RAVER2: variants seen among roughly 807,000 people sequenced by gnomAD.
RAVER2 encodes ribonucleoprotein, PTB binding 2, also known as ribonucleoprotein PTB-binding 2.
RAVER2 carries 46 observed loss-of-function variants against 78.1 expected under a neutral mutation model. That is an observed-to-expected ratio of 0.59 (90% CI 0.46 to 0.75). The LOEUF (loss-of-function observed/expected upper bound fraction) is 0.75. RAVER2 is among the 30% of genes least tolerant of loss of function. The probability of loss-of-function intolerance (pLI) is 0.00; values close to 1 mark genes in which losing one functional copy is unlikely to be tolerated. For synonymous variants in RAVER2, 311 were observed against 313.3 expected, an observed-to-expected ratio of 0.99 and a Z score of 0.08; for missense variants, 793 against 837.5, an observed-to-expected ratio of 0.95 and a Z score of 0.66.
intron 1 of RAVER2, among the ~76,000 whole-genome samples, chr1:64,751,049 G>C (rs1008925290): frequency 1.3e-5 from 2 of 152,222 alleles, no homozygotes. Flanking sequence ...ACACATTCAA[G>C]AAGAGGAGGA....
At chr1:64,759,631 C>T (rs1035850698) in intron 1 of RAVER2, among the ~76,000 whole-genome samples, 22 of 151,872 alleles carry the variant, frequency 1.4e-4, no homozygotes, top group African/African-American at 4.8e-4. Flanking sequence ...ATCTTCCTGC[C>T]TCAGCCTCCC....
intron 4 of RAVER2, among the ~76,000 whole-genome samples, chr1:64,785,027 C>G (rs1652740230): frequency 6.6e-6 from 1 of 152,176 alleles, no homozygotes; most frequent in Non-Finnish European, 1.5e-5. Context: ...ATCCTCAAAT[C>G]AGCTTATGTC....
chr1:64,832,635 T>C (rs1287348225), exon 12 of RAVER2: 1 of 152,214 alleles, frequency 6.6e-6, no homozygotes, highest in Non-Finnish European at 1.5e-5. Context: ...ACATATGTTG[T>C]ATGCTTTGTA....
chr1:64,751,998 G>A (rs976174997), intron 1 of RAVER2, among the ~76,000 whole-genome samples: 4 of 152,086 alleles, frequency 2.6e-5, no homozygotes, highest in Non-Finnish European at 4.4e-5. Context: ...GTGAGAAGTC[G>A]GAAGATCAGA....
chr1:64,811,641 A>T (rs190284119), intron 9 of RAVER2, among the ~76,000 whole-genome samples: 16 of 152,310 alleles, frequency 1.1e-4, no homozygotes. Flanking sequence ...TGGTTTTCTT[A>T]ATATTTTCTT....
intron 1 of RAVER2, among the ~76,000 whole-genome samples, chr1:64,757,731 A>G (rs928045431): frequency 6.6e-6 from 1 of 152,204 alleles, no homozygotes; most frequent in Admixed American, 6.5e-5. Context: ...CAGTGCTCTC[A>G]GGTCCTCTTA....
intron 11 of RAVER2, among the ~76,000 whole-genome samples, chr1:64,822,584 G>A (rs1255926582): frequency 6.6e-6 from 1 of 152,150 alleles, no homozygotes; most frequent in Non-Finnish European, 1.5e-5. Flanking sequence ...CAGTGCTGGG[G>A]GTTGGTGGGA....
At chr1:64,819,085 A>G (rs1653821940) in intron 11 of RAVER2, among the ~76,000 whole-genome samples, 1 of 152,166 alleles carries the variant, frequency 6.6e-6, no homozygotes, top group Non-Finnish European at 1.5e-5. Flanking sequence ...AATATATTAT[A>G]GTAATCAATA....
chr1:64,802,948 T>TA, intron 5 of RAVER2, 28 bp from the exon 6 acceptor site: 1 of 1,505,104 alleles, frequency 6.6e-7, no homozygotes, highest in Non-Finnish European at 9.1e-7. Context: ...ATATATAAAT[T>TA]AAAGTTTTTA....
intron 5 of RAVER2, among the ~76,000 whole-genome samples, chr1:64,798,038 G>A (rs1313808226): frequency 2.0e-5 from 3 of 147,588 alleles, no homozygotes; most frequent in African/African-American, 7.5e-5. Flanking sequence ...TCGTCATCTA[G>A]CATTAGGTAT....
chr1:64,784,349 C>T (rs1652719530), intron 4 of RAVER2, among the ~76,000 whole-genome samples: 1 of 152,164 alleles, frequency 6.6e-6, no homozygotes, highest in Non-Finnish European at 1.5e-5. Context: ...TGCACTCCAG[C>T]CTGGGTGACA....
intron 5 of RAVER2, among the ~76,000 whole-genome samples, chr1:64,797,467 G>GT (rs1256350684): frequency 6.6e-5 from 10 of 152,158 alleles, no homozygotes; most frequent in Non-Finnish European, 1.3e-4. Flanking sequence ...AATTATTTCA[G>GT]TTTTTTATAA....
At chr1:64,758,983 ACTAT>A (rs1245884636) in intron 1 of RAVER2, among the ~76,000 whole-genome samples, 1 of 151,748 alleles carries the variant, frequency 6.6e-6, no homozygotes, top group African/African-American at 2.4e-5. Context: ...TGGATGGATG[ACTAT>A]CTAAATCTAT....
At chr1:64,790,705 G>A (rs781637003) in intron 5 of RAVER2, among the ~76,000 whole-genome samples, 1 of 152,166 alleles carries the variant, frequency 6.6e-6, no homozygotes, top group Non-Finnish European at 1.5e-5. Flanking sequence ...GGCATCCACT[G>A]GGGTTCTTGG....
chr1:64,812,387 GTAGA>G (rs1178290760), intron 9 of RAVER2, among the ~76,000 whole-genome samples: 28 of 138,394 alleles, frequency 2.0e-4, no homozygotes, highest in African/African-American at 6.0e-4. Context: ...AAAAAAATAG[GTAGA>G]TAGATAGATA....
chr1:64,753,165 T>C (rs1246796922), intron 1 of RAVER2, among the ~76,000 whole-genome samples: 1 of 152,214 alleles, frequency 6.6e-6, no homozygotes, highest in East Asian at 1.9e-4. Flanking sequence ...GCAATCCTTC[T>C]ACCTCAGTCT....
intron 2 of RAVER2, among the ~76,000 whole-genome samples, chr1:64,774,726 G>T (rs1235423710): frequency 6.6e-6 from 1 of 152,178 alleles, no homozygotes; most frequent in African/African-American, 2.4e-5. Context: ...GTCATTGGTA[G>T]TTTGATGGGG....
chr1:64,808,172 T>G (rs1653498627), intron 9 of RAVER2, among the ~76,000 whole-genome samples: 1 of 152,188 alleles, frequency 6.6e-6, no homozygotes, highest in African/African-American at 2.4e-5. Flanking sequence ...CGAATCATTT[T>G]ATTGGCTAAA....
intron 2 of RAVER2, among the ~76,000 whole-genome samples, chr1:64,771,238 A>G (rs142975127): frequency 0.01 from 1,553 of 152,172 alleles, 9 homozygotes; most frequent in Middle Eastern, 0.065. Context: ...AACACAATTG[A>G]AAAGACTGTA....
Sources: gnomAD v4.1 joint callset for allele counts (sites outside exome capture counted in the v4.1 genomes callset) on GRCh38, gnomAD v4.1.1 for gene constraint, MANE v1.5 for transcripts, NCBI Gene and HGNC (gene_info 2026-07-23, HGNC 2026-07-21) for gene names.